The following MAPK12 variants were observed in gnomAD, a reference collection of about 807,000 sequenced individuals.
The protein encoded by MAPK12 is mitogen-activated protein kinase 12, also known as MAP kinase 12.
In MAPK12, 49 loss-of-function variants were observed where a neutral mutation model predicts 49.1. That is an observed-to-expected ratio of 1.00 (90% CI 0.79 to 1.27). The LOEUF (loss-of-function observed/expected upper bound fraction) is 1.27. MAPK12 is among the 50% of genes most tolerant of loss of function. MAPK12 has a pLI of 0.00. For synonymous variants in MAPK12, 251 were observed against 209.7 expected, an observed-to-expected ratio of 1.20 and a Z score of -1.70; for missense variants, 554 against 502.4, an observed-to-expected ratio of 1.10 and a Z score of -0.98.
In MAPK12 at chr22:50,253,803, C is replaced by G. The variant is rs557937712; in HGVS notation, c.1025-323G>C. On this transcript the variant is annotated intron_variant, in intron 11 of 11. Coordinates refer to ENST00000215659, the MANE Select transcript of MAPK12 (RefSeq NM_002969.6). Reference sequence around the variant, plus strand: ...GGCTTTCAAGTTATCTTTCTAGCAGCAGAAACCTTTAATCAAACAAAGCCA... The same window carrying G: ...GGCTTTCAAGTTATCTTTCTAGCAGGAGAAACCTTTAATCAAACAAAGCCA... The G allele has an allele frequency of 2.4e-4, 100 of 411,926 alleles. No individual in the cohort carries two copies. In the East Asian group the frequency reaches 4.8e-3, roughly 20 times the overall value. 25.5% of individuals were successfully genotyped at this position (411,926 alleles called of 1,614,324 possible).
intron 11 of MAPK12, 22 bp from the exon 12 acceptor site, chr22:50,253,502 G>GGGGGGGGGCCCCCCCCCCC: frequency 1.2e-5 from 2 of 171,648 alleles, no homozygotes; most frequent in East Asian, 1.5e-4. Flanking sequence ...GGGGGGGCGG[G>GGGGGGGGGCCCCCCCCCCC]CACAACAGAG....
chr22:50,261,263 C>T lies in MAPK12; in HGVS notation c.159G>A (p.Val53=), dbSNP rs1195047701. Residue 53 remains valine (V), a synonymous_variant, in exon 2 of 12, where the codon GTG becomes GTA. Coordinates refer to ENST00000215659, the MANE Select transcript of MAPK12 (RefSeq NM_002969.6). ...AAGGCCGATACAGCTTCTTGATGGC[C>T]ACCTTAGCGCCGGTGCGGCCGTCCA... ...SAVDGRTGAK[V]AIKKLYRPFQ... is the part of the protein sequence containing the mutation. The T allele has an allele frequency of 1.3e-6, 2 of 1,548,242 alleles. No individual in the cohort carries two copies. Among genetic ancestry groups the T allele is most frequent in the East Asian group, 5.2e-5 (2 of 38,760 alleles).
chr22:50,259,753 G>A lies in MAPK12; in HGVS notation c.255+1414C>T, dbSNP rs565292153. 5.3e-5 allele frequency among the ~76,000 whole-genome samples: 8 copies of A among 151,974 alleles called. No homozygotes were observed. In the South Asian group the frequency reaches 1.0e-3, roughly 20 times the overall value. On this transcript the variant is annotated intron_variant, in intron 2 of 11. Coordinates refer to ENST00000215659, the MANE Select transcript of MAPK12 (RefSeq NM_002969.6). Reference sequence around the variant, plus strand: ...CAAAAAATTAGCCAGGCGTGGTGGCGCGCGCCTGTAATCCCAGCTACTGAG... The same window carrying A: ...CAAAAAATTAGCCAGGCGTGGTGGCACGCGCCTGTAATCCCAGCTACTGAG...
intron 6 of MAPK12, 60 bp downstream of exon 6, chr22:50,256,539 T>C (rs2065151990): frequency 6.4e-7 from 1 of 1,570,030 alleles, no homozygotes; most frequent in African/African-American, 1.4e-5. Context: ...GGTGGATAGA[T>C]GGGCAGATCC....
At chr22:50,256,573 A>G (rs1322895985) in intron 6 of MAPK12, 26 bp downstream of exon 6, 1 of 1,605,368 alleles carries the variant, frequency 6.2e-7, no homozygotes, top group African/African-American at 1.3e-5. Flanking sequence ...GCCCCACCTC[A>G]GGGCCCCCTG....
intron 11 of MAPK12, 22 bp from the exon 12 acceptor site, chr22:50,253,502 G>GGGGGGGGGGGGGGGGGGGGGGGGA: frequency 5.8e-6 from 1 of 171,678 alleles, no homozygotes; most frequent in East Asian, 1.5e-4. Context: ...GGGGGGGCGG[G>GGGGGGGGGGGGGGGGGGGGGGGGA]CACAACAGAG....
chr22:50,254,241 T>C (rs566737483), intron 11 of MAPK12: 1 of 152,748 alleles, frequency 6.5e-6, no homozygotes, highest in African/African-American at 2.4e-5. Flanking sequence ...TAGGGGATGA[T>C]GGACCCCAGC....
In MAPK12 at chr22:50,255,382, G is replaced by A; in HGVS notation, c.851-12C>T. 2 of 1,612,934 alleles carry A rather than the reference G, an allele frequency of 1.2e-6. No individual in the cohort carries two copies. Among genetic ancestry groups the A allele is most frequent in the Non-Finnish European group, 8.5e-7 (1 of 1,179,802 alleles). On this transcript the variant is annotated splice_polypyrimidine_tract_variant and intron_variant, in intron 10 of 11. Transcript: ENST00000215659. Reference sequence around the variant, plus strand: ...CAGGAGGTTCACAGCTGCGGGGGAAGGTGCATCAGGCCAGACCACGGGAGG... The same window carrying A: ...CAGGAGGTTCACAGCTGCGGGGGAAAGTGCATCAGGCCAGACCACGGGAGG...
chr22:50,261,542 C>T lies in MAPK12; in HGVS notation c.-33G>A. On this transcript the variant is annotated 5_prime_UTR_variant, in exon 1 of 12. Transcript: ENST00000215659. ...CCGGGAGCTGCCCACCCCGCAGAGC[C>T]TGCGGGCGGTGCCCCCACGACCGGG... is the stretch of plus-strand genomic sequence containing the variant. 1.9e-6 allele frequency: 2 copies of T among 1,079,158 alleles called. No individual in the cohort carries two copies. Among genetic ancestry groups the T allele is most frequent in the African/African-American group, 1.7e-5 (1 of 58,708 alleles). 66.8% of individuals were successfully genotyped at this position (1,079,158 alleles called of 1,614,324 possible).
At chr22:50,253,809 C>G (rs1049683833) in intron 11 of MAPK12, 4 of 395,376 alleles carry the variant, frequency 1.0e-5, no homozygotes, top group African/African-American at 2.0e-5. Context: ...GCAGCAGAAA[C>G]CTTTAATCAA....
chr22:50,259,813 C>G (rs563432805), intron 2 of MAPK12, among the ~76,000 whole-genome samples: 2 of 151,766 alleles, frequency 1.3e-5, no homozygotes, highest in Non-Finnish European at 2.9e-5. Flanking sequence ...GAACCCAGGA[C>G]GCGAAGGTTG....
In MAPK12 at chr22:50,255,672, G is replaced by C; in HGVS notation, c.714C>G (p.Ile238Met). Residue 238 changes from isoleucine (I) to methionine (M), a missense_variant, in exon 9 of 12, where the codon ATC (isoleucine) becomes ATG (methionine). Coordinates refer to ENST00000215659, the MANE Select transcript of MAPK12 (RefSeq NM_002969.6). ...CCGGAGGCGTCCCCGTCACCTTCAT[G>C]ATCTCCTTCAGCTGGTCCAGGTCTG... is the stretch of plus-strand genomic sequence containing the variant. ...GSDHLDQLKEIMKVTGTPPAE... is the reference protein window; with the variant it reads ...GSDHLDQLKEMMKVTGTPPAE... 2 of 1,607,400 alleles carry C rather than the reference G, an allele frequency of 1.2e-6. No homozygotes were observed. Among genetic ancestry groups the C allele is most frequent in the Non-Finnish European group, 1.7e-6 (2 of 1,179,064 alleles).
chr22:50,260,496 T>G (rs1257439258), intron 2 of MAPK12, among the ~76,000 whole-genome samples: 1 of 151,968 alleles, frequency 6.6e-6, no homozygotes, highest in South Asian at 2.1e-4. Flanking sequence ...GCCACCGCCA[T>G]GGGAGAGGCC....
Position 50,256,164 on chromosome 22 carries a change from ACTGT to A in MAPK12, c.536_539del (p.Asp179ValfsTer3), listed in dbSNP as rs746412981. 5.1e-5 allele frequency: 83 copies of A among 1,612,590 alleles called. No homozygotes were observed. Among genetic ancestry groups the A allele is most frequent in the Admixed American group, 1.2e-4 (7 of 59,982 alleles). ...GGGTCACCACGTACCCAGTCATCTC[ACTGT>A]CTGCCTGCCTGGCCAGGCCGAAGTC... On this transcript the variant is annotated frameshift_variant, in exon 7 of 12. Coordinates refer to ENST00000215659, the MANE Select transcript of MAPK12 (RefSeq NM_002969.6). LOFTEE classifies it high-confidence loss of function.
chr22:50,260,240 T>C (rs973387047), intron 2 of MAPK12, among the ~76,000 whole-genome samples: 5 of 17,302 alleles, frequency 2.9e-4, no homozygotes, highest in Admixed American at 5.7e-4. Context: ...GGCACTTTGC[T>C]GGTGGACGGG....
chr22:50,254,941 C>T (rs1450164403), intron 11 of MAPK12: 2 of 1,377,066 alleles, frequency 1.5e-6, no homozygotes, highest in Admixed American at 3.0e-5. Flanking sequence ...GTCATCTCCA[C>T]CAGGCCACAC....
intron 11 of MAPK12, 126 bp downstream of exon 11, chr22:50,255,071 C>A (rs745365770): frequency 1.3e-6 from 2 of 1,522,418 alleles, no homozygotes; most frequent in South Asian, 2.4e-5. Context: ...AGGCCCTACC[C>A]GGAGCCCCCA....
At chr22:50,255,578 G>GCGCCC in intron 9 of MAPK12, 37 bp downstream of exon 9, 3 of 1,581,974 alleles carry the variant, frequency 1.9e-6, no homozygotes, top group Non-Finnish European at 2.6e-6. Flanking sequence ...GCCCAGGTCC[G>GCGCCC]CCCCCACCCC....
At position 50,255,241 on chromosome 22, in the gene MAPK12, T is replaced by G. The variant is rs555010998; in HGVS notation, c.980A>C (p.Asp327Ala). 8.7e-6 allele frequency: 14 copies of G among 1,613,914 alleles called. No homozygotes were observed. The Admixed American group carries it at 1.5e-4, about 17-fold the overall frequency. The change falls in exon 11 of 12, where the codon GAT (aspartate) becomes GCT (alanine). Residue 327 changes from aspartate to alanine, a missense_variant. Coordinates refer to ENST00000215659, the MANE Select transcript of MAPK12 (RefSeq NM_002969.6). ...TEDEPQVQKY[D>A]DSFDDVDRTL... ...GCGGTCAACGTCGTCAAAGGAGTCA[T>G]CATACTTCTGGACCTGGGGCTCATC... is the stretch of plus-strand genomic sequence containing the variant.
Sources: allele counts gnomAD v4.1 joint callset (sites outside exome capture counted in the v4.1 genomes callset), GRCh38; gene constraint gnomAD v4.1.1; transcripts MANE v1.5; gene names NCBI Gene and HGNC (gene_info 2026-07-23, HGNC 2026-07-21).